CHLSN: variants seen among roughly 807,000 people sequenced by gnomAD.
CHLSN encodes the protein cholesin, also known as protein cholesin.
At chr7:997,506 A>C in the CHLSN span, 12 of 870,924 alleles carry the variant, frequency 1.4e-5, no homozygotes, top group Admixed American at 3.7e-5. Flanking sequence ...AGGAGCTGAA[A>C]GCCCTTGCTC....
At chr7:1,130,642 C>G in the CHLSN span, among the ~76,000 whole-genome samples, 2 of 151,008 alleles carry the variant, frequency 1.3e-5, no homozygotes, top group Non-Finnish European at 3.0e-5. Flanking sequence ...GCCGCCCCCA[C>G]TGGGTGCAGC....
At chr7:1,000,878 T>C in the CHLSN span, among the ~76,000 whole-genome samples, 2 of 152,170 alleles carry the variant, frequency 1.3e-5, no homozygotes, top group African/African-American at 2.4e-5. Flanking sequence ...AAGGATGAAG[T>C]GAGTTTCTCT....
At chr7:1,087,125 C>A in the CHLSN span, 25 of 152,246 alleles carry the variant, frequency 1.6e-4, no homozygotes, top group African/African-American at 5.1e-4. Context: ...GGCAGTTCAG[C>A]GGCCCCGAGA....
At chr7:1,010,360 G>C in the CHLSN span, among the ~76,000 whole-genome samples, 1 of 152,196 alleles carries the variant, frequency 6.6e-6, no homozygotes, top group Admixed American at 6.5e-5. Context: ...GCGGGCAGGC[G>C]CCAGGTGCCA....
At chr7:1,055,461 G>C in the CHLSN span, 1 of 461,694 alleles carries the variant, frequency 2.2e-6, no homozygotes, top group Admixed American at 2.3e-5. Flanking sequence ...ACAGCACCAA[G>C]AGGCTTGGGC....
At chr7:997,595 G>T in the CHLSN span, 1 of 1,498,660 alleles carries the variant, frequency 6.7e-7, no homozygotes, top group South Asian at 1.3e-5. Context: ...GCCCTGCACT[G>T]GGCAGCGGCC....
At chr7:1,082,524 C>T in the CHLSN span, among the ~76,000 whole-genome samples, 9 of 152,340 alleles carry the variant, frequency 5.9e-5, no homozygotes, top group Non-Finnish European at 1.0e-4. Context: ...GTGGCTGGGA[C>T]GGGCTCACAG....
At chr7:1,063,636 G>A in the CHLSN span, among the ~76,000 whole-genome samples, 1 of 152,260 alleles carries the variant, frequency 6.6e-6, no homozygotes, top group African/African-American at 2.4e-5. Context: ...CGCTCACCAA[G>A]TGTGGTCTCA....
chr7:1,017,632 C>CA, the CHLSN span, among the ~76,000 whole-genome samples: 5,686 of 152,316 alleles, frequency 0.037, 325 homozygotes, highest in African/African-American at 0.12. Flanking sequence ...GGAAACAAGA[C>CA]ACGGACTCAA....
the CHLSN span, among the ~76,000 whole-genome samples, chr7:1,134,187 C>A: frequency 2.4e-4 from 36 of 151,774 alleles, no homozygotes; most frequent in Non-Finnish European, 4.7e-4. Flanking sequence ...GCAGGAGAAT[C>A]ACTTGAGCCT....
the CHLSN span, among the ~76,000 whole-genome samples, chr7:1,134,995 G>A: frequency 6.6e-5 from 10 of 152,198 alleles, no homozygotes; most frequent in South Asian, 2.1e-4. Flanking sequence ...TGACACCCAC[G>A]TGGCTAAATC....
At chr7:1,038,430 T>G in the CHLSN span, among the ~76,000 whole-genome samples, 1 of 55,174 alleles carries the variant, frequency 1.8e-5, no homozygotes, top group Non-Finnish European at 3.5e-5. Context: ...GGGAGGGAGA[T>G]GGGGGGGTCA....
chr7:1,105,768 C>T, the CHLSN span, among the ~76,000 whole-genome samples: 1 of 152,174 alleles, frequency 6.6e-6, no homozygotes, highest in African/African-American at 2.4e-5. Context: ...GCACACGCCA[C>T]GCTTGGCTAA....
chr7:1,119,889 A>AAAAAAAAAAG, the CHLSN span, among the ~76,000 whole-genome samples: 1 of 150,190 alleles, frequency 6.7e-6, no homozygotes. Context: ...AAAAAAAAAA[A>AAAAAAAAAAG]GGGGGATAGA....
At chr7:1,020,493 C>G in the CHLSN span, among the ~76,000 whole-genome samples, 30 of 152,230 alleles carry the variant, frequency 2.0e-4, no homozygotes. Flanking sequence ...CCACCTGGAG[C>G]CCCCACTATC....
At chr7:1,073,526 G>C in the CHLSN span, among the ~76,000 whole-genome samples, 2 of 151,744 alleles carry the variant, frequency 1.3e-5, no homozygotes, top group Non-Finnish European at 2.9e-5. Context: ...AACTCCTTGA[G>C]ACACTTTTTT....
chr7:1,006,036 C>T, the CHLSN span, among the ~76,000 whole-genome samples: 1 of 152,238 alleles, frequency 6.6e-6, no homozygotes, highest in African/African-American at 2.4e-5. Context: ...CAATTTCCTG[C>T]GTTAAGCATA....
At chr7:1,064,645 AG>A in the CHLSN span, among the ~76,000 whole-genome samples, 2 of 152,214 alleles carry the variant, frequency 1.3e-5, no homozygotes, top group African/African-American at 2.4e-5. Context: ...GAGTCTCCAG[AG>A]CCAGCCCTGC....
At chr7:1,092,922 A>G in the CHLSN span, 1 of 1,439,440 alleles carries the variant, frequency 6.9e-7, no homozygotes, top group African/African-American at 1.4e-5. Flanking sequence ...GGGTGGACAC[A>G]AGGCACGGCC....
Sources: allele counts gnomAD v4.1 joint callset (sites outside exome capture counted in the v4.1 genomes callset), GRCh38; gene constraint gnomAD v4.1.1; transcripts MANE v1.5; gene names NCBI Gene and HGNC (gene_info 2026-07-23, HGNC 2026-07-21).